PKHD1: variants seen among roughly 807,000 people sequenced by gnomAD.
PKHD1 encodes PKHD1 ciliary IPT domain containing fibrocystin/polyductin, also known as fibrocystin.
PKHD1 carries 291 observed loss-of-function variants against 412.0 expected under a neutral mutation model. The ratio of observed to expected loss-of-function variants is 0.71; its 90% confidence interval spans 0.64 to 0.78. PKHD1 has a LOEUF of 0.78. Ranked by LOEUF, PKHD1 falls within the 30% of genes least tolerant of loss-of-function variation. The pLI is 0.00. For synonymous variants in PKHD1, 1,777 were observed against 1,821.5 expected (o/e 0.98, Z 0.62); for missense variants, 4,825 against 4,950.7 (o/e 0.97, Z 0.76).
intron 49 of PKHD1, among the ~76,000 whole-genome samples, chr6:51,851,402 C>T (rs1429836475): frequency 2.0e-5 from 3 of 152,160 alleles, no homozygotes; most frequent in African/African-American, 7.2e-5. Context: ...CAGAATGATG[C>T]TGGCTTCATA....
chr6:51,695,716 A>G (rs951010878), intron 60 of PKHD1, among the ~76,000 whole-genome samples: 2 of 152,228 alleles, frequency 1.3e-5, no homozygotes, highest in African/African-American at 4.8e-5. Flanking sequence ...GTTTAAAATA[A>G]TAACAACATG....
intron 37 of PKHD1, among the ~76,000 whole-genome samples, chr6:51,915,935 G>A (rs972626983): frequency 2.6e-5 from 4 of 152,078 alleles, no homozygotes; most frequent in Non-Finnish European, 5.9e-5. Flanking sequence ...GGGGGCCTCA[G>A]ACAGTAAAAT....
chr6:51,868,066 A>G lies in PKHD1; in HGVS notation c.7530T>C (p.Ser2510=). The change falls in exon 48 of 67, where the codon TCT becomes TCC. Residue 2510 remains serine (S), a synonymous_variant. Coordinates refer to ENST00000371117, the MANE Select transcript of PKHD1 (RefSeq NM_138694.4). ...VKTSQLKFTN[S]SNLVAFPFPH... ...GAAATGGAAATGCCACTAAGTTTGA[A>G]GAGTTTGTAAACTTCAACTGGCTGG... The G allele has an allele frequency of 1.9e-6, 3 of 1,612,142 alleles. No homozygotes were observed. The highest frequency in any genetic ancestry group is 2.5e-6 in the Non-Finnish European group (3 of 1,178,282).
intron 1 of PKHD1, among the ~76,000 whole-genome samples, chr6:52,086,390 C>A (rs1015086407): frequency 1.3e-5 from 2 of 152,112 alleles, no homozygotes; most frequent in East Asian, 3.9e-4. Flanking sequence ...GGATTACAGG[C>A]ATGAACCACC....
chr6:51,921,296 G>A (rs1163021321), intron 37 of PKHD1, among the ~76,000 whole-genome samples: 1 of 152,186 alleles, frequency 6.6e-6, no homozygotes, highest in Non-Finnish European at 1.5e-5. Flanking sequence ...ATAAAGATCT[G>A]TTGTTAGTCT....
chr6:51,909,525 C>T (rs1397644259), intron 39 of PKHD1, 51 bp from the exon 40 acceptor site: 8 of 1,354,528 alleles, frequency 5.9e-6, no homozygotes, highest in Non-Finnish European at 8.5e-6. Flanking sequence ...GAACATGCTT[C>T]CAGACAAATC....
chr6:51,707,510 T>G (rs1457891071), intron 60 of PKHD1, among the ~76,000 whole-genome samples: 1 of 152,192 alleles, frequency 6.6e-6, no homozygotes, highest in Non-Finnish European at 1.5e-5. Context: ...CTTATCCTCA[T>G]GAATATTAAA....
intron 64 of PKHD1, among the ~76,000 whole-genome samples, chr6:51,637,605 TAA>T (rs58433463): frequency 6.8e-6 from 1 of 146,734 alleles, no homozygotes; most frequent in Admixed American, 6.8e-5. Context: ...GTCTTTTTGT[TAA>T]AAAAAAAAAA....
At chr6:51,823,268 A>C (rs895659685) in intron 52 of PKHD1, among the ~76,000 whole-genome samples, 1 of 152,078 alleles carries the variant, frequency 6.6e-6, no homozygotes, top group Non-Finnish European at 1.5e-5. Flanking sequence ...TCTAGATGGG[A>C]GCACATACCA....
intron 60 of PKHD1, among the ~76,000 whole-genome samples, chr6:51,661,496 T>A (rs1408126778): frequency 6.6e-6 from 1 of 152,170 alleles, no homozygotes; most frequent in Middle Eastern, 3.4e-3. Flanking sequence ...TCAAACTATA[T>A]AATTTTCTCA....
At chr6:51,629,227 A>G (rs1401120768) in intron 65 of PKHD1, among the ~76,000 whole-genome samples, 1 of 152,162 alleles carries the variant, frequency 6.6e-6, no homozygotes, top group Non-Finnish European at 1.5e-5. Flanking sequence ...ACCGAATTAA[A>G]CTAAAGAGCT....
intron 6 of PKHD1, among the ~76,000 whole-genome samples, chr6:52,075,348 A>T (rs946266811): frequency 1.3e-5 from 2 of 152,218 alleles, no homozygotes; most frequent in African/African-American, 4.8e-5. Context: ...AAACAACAAG[A>T]TCCGTCTATG....
chr6:51,950,206 T>C (rs1790097860), intron 36 of PKHD1, among the ~76,000 whole-genome samples: 2 of 53,092 alleles, frequency 3.8e-5, no homozygotes, highest in East Asian at 1.6e-3. Context: ...ATGGGCAATA[T>C]AGAGAAAAAA....
intron 35 of PKHD1, among the ~76,000 whole-genome samples, chr6:52,001,652 C>T (rs1459637874): frequency 6.6e-6 from 1 of 151,984 alleles, no homozygotes; most frequent in Non-Finnish European, 1.5e-5. Flanking sequence ...AGGATGGTCT[C>T]GATCTCCTGA....
rs768515165 is a variant in PKHD1 at position 51,887,245 on chromosome 6, C to T, written c.6997G>A (p.Gly2333Arg). ...YICSPTNVIE[G>R]NRVCGAGYGY... ...TAGCCAGCACCACACACTCTGTTCC[C>T]CTACAGAAATTAAGAAGAGTTAAAA... The change falls in exon 44 of 67, where the codon GGG (glycine) becomes AGG (arginine). Residue 2333 changes from glycine (G) to arginine (R), a missense_variant and splice_region_variant. Gly to Arg is a moderately radical substitution (Grantham distance 125). Transcript: ENST00000371117. 6 of 1,589,466 alleles carry T rather than the reference C, an allele frequency of 3.8e-6. No homozygotes were observed. In the African/African-American group the frequency reaches 8.1e-5, roughly 21 times the overall value.
intron 57 of PKHD1, 38 bp downstream of exon 57, chr6:51,753,163 C>A: frequency 6.3e-7 from 1 of 1,590,474 alleles, no homozygotes; most frequent in Non-Finnish European, 8.6e-7. Flanking sequence ...TGAATAGGCT[C>A]CAACTGGTAA....
chr6:52,034,171 C>T (rs1277788103), intron 28 of PKHD1, among the ~76,000 whole-genome samples: 2 of 83,430 alleles, frequency 2.4e-5, no homozygotes, highest in East Asian at 8.0e-4. Context: ...AAAATAGGAA[C>T]TCTAGGGGAA....
chr6:51,848,069 C>T (rs530638903), intron 49 of PKHD1, 99 bp from the exon 50 acceptor site: 99 of 796,012 alleles, frequency 1.2e-4, no homozygotes, highest in Middle Eastern at 6.0e-4. Context: ...CTACAGAGAA[C>T]GCAGATGGAG....
intron 60 of PKHD1, among the ~76,000 whole-genome samples, chr6:51,699,355 C>T (rs989104895): frequency 2.6e-5 from 4 of 152,128 alleles, no homozygotes; most frequent in African/African-American, 9.7e-5. Context: ...GCCTTTCATA[C>T]TGGCTTCTCT....
Sources: gnomAD v4.1 joint callset for allele counts (sites outside exome capture counted in the v4.1 genomes callset) on GRCh38, gnomAD v4.1.1 for gene constraint, MANE v1.5 for transcripts, NCBI Gene and HGNC (gene_info 2026-07-23, HGNC 2026-07-21) for gene names.